Variants in KCNK13 observed in about 807,000 individuals in gnomAD.
KCNK13 encodes potassium channel subfamily K member 13.
A neutral mutation model predicts 23.4 loss-of-function variants in KCNK13; 12 were observed. The observed-to-expected ratio is 0.51, with a 90% confidence interval of 0.33 to 0.83. The LOEUF (loss-of-function observed/expected upper bound fraction) is 0.83. Among genes scored for constraint, KCNK13 ranks in the 40% least tolerant of loss-of-function variants. The probability of loss-of-function intolerance (pLI) is 0.02; values close to 1 mark genes in which losing one functional copy is unlikely to be tolerated. For missense variants in KCNK13, 463 were observed against 556.3 expected (o/e 0.83, Z 1.69); for synonymous variants, 231 against 229.5 (o/e 1.01, Z -0.06).
intron 1 of KCNK13, chr14:90,107,557 T>C (rs975382619): frequency 2.2e-6 from 1 of 445,054 alleles, no homozygotes; most frequent in Non-Finnish European, 4.1e-6. Flanking sequence ...CAGTAAACAT[T>C]ACGATTGTGC....
intron 1 of KCNK13, among the ~76,000 whole-genome samples, chr14:90,176,132 C>A (rs1890419906): frequency 6.6e-6 from 1 of 152,140 alleles, no homozygotes; most frequent in South Asian, 2.1e-4. Context: ...TGTTTGAAAT[C>A]ATCTTTGGAA....
At position 90,174,206 on chromosome 14, in the gene KCNK13, A is replaced by C. The variant is rs184772571; in HGVS notation, c.335-9905A>C. Among the ~76,000 whole-genome samples, 373 of 152,284 alleles carry C rather than the reference A, an allele frequency of 2.4e-3. 4 individuals are homozygous for C. Among genetic ancestry groups the C allele is most frequent in the African/African-American group, 8.4e-3 (351 of 41,570 alleles). Reference sequence around the variant, plus strand: ...GCACCTGTAGTCCCAGCTACTCATGAGGCTGAGGCAGGAGAATGGCGTGAA... The same window carrying C: ...GCACCTGTAGTCCCAGCTACTCATGCGGCTGAGGCAGGAGAATGGCGTGAA... On this transcript the variant is annotated intron_variant, in intron 1 of 1. Coordinates refer to ENST00000282146, the MANE Select transcript of KCNK13 (RefSeq NM_022054.4).
chr14:90,067,810 G>T (rs1170787379), intron 1 of KCNK13, among the ~76,000 whole-genome samples: 1 of 152,112 alleles, frequency 6.6e-6, no homozygotes. Context: ...TTTGTTAGGA[G>T]CTTGTCCCCG....
intron 1 of KCNK13, among the ~76,000 whole-genome samples, chr14:90,090,506 G>T (rs1213646219): frequency 6.6e-6 from 1 of 152,224 alleles, no homozygotes; most frequent in African/African-American, 2.4e-5. Flanking sequence ...TGTCTCCAAT[G>T]AGATGTTGGA....
chr14:90,064,352 A>G (rs1446209834), intron 1 of KCNK13, among the ~76,000 whole-genome samples: 1 of 152,126 alleles, frequency 6.6e-6, no homozygotes, highest in African/African-American at 2.4e-5. Flanking sequence ...GTGGGCACAG[A>G]GGCAGGAAGG....
chr14:90,117,047 A>G (rs1283333859), intron 1 of KCNK13, among the ~76,000 whole-genome samples: 1 of 152,194 alleles, frequency 6.6e-6, no homozygotes, highest in African/African-American at 2.4e-5. Flanking sequence ...AACAATAACT[A>G]AGAATAAAAT....
intron 1 of KCNK13, among the ~76,000 whole-genome samples, chr14:90,066,138 ATT>A (rs35664886): frequency 2.6e-3 from 353 of 135,806 alleles, no homozygotes; most frequent in Middle Eastern, 3.9e-3. Flanking sequence ...TAATTTTTGT[ATT>A]TTTTTTTTTT....
At chr14:90,117,197 G>C (rs1198508415) in intron 1 of KCNK13, among the ~76,000 whole-genome samples, 1 of 152,204 alleles carries the variant, frequency 6.6e-6, no homozygotes, top group Non-Finnish European at 1.5e-5. Context: ...AGGGGCAGCA[G>C]TGTATACAGC....
chr14:90,176,267 C>T (rs910418632), intron 1 of KCNK13, among the ~76,000 whole-genome samples: 1 of 152,158 alleles, frequency 6.6e-6, no homozygotes, highest in African/African-American at 2.4e-5. Flanking sequence ...AGTTTCCCCA[C>T]CGATAACTTG....
intron 1 of KCNK13, among the ~76,000 whole-genome samples, chr14:90,076,190 T>C (rs1889132351): frequency 6.6e-6 from 1 of 152,234 alleles, no homozygotes; most frequent in Non-Finnish European, 1.5e-5. Context: ...GCAGGTTGCA[T>C]TGGGCTGCAT....
At chr14:90,087,787 G>A (rs1451598322) in intron 1 of KCNK13, among the ~76,000 whole-genome samples, 2 of 152,070 alleles carry the variant, frequency 1.3e-5, no homozygotes, top group African/African-American at 4.8e-5. Flanking sequence ...AGTACCCTTT[G>A]TACAGTGTAG....
chr14:90,148,920 T>C (rs1890103857), intron 1 of KCNK13, among the ~76,000 whole-genome samples: 1 of 152,190 alleles, frequency 6.6e-6, no homozygotes, highest in Admixed American at 6.5e-5. Flanking sequence ...AAATACACTG[T>C]AAAAGTGCTA....
At chr14:90,135,630 C>T (rs1235491077) in intron 1 of KCNK13, among the ~76,000 whole-genome samples, 1 of 152,078 alleles carries the variant, frequency 6.6e-6, no homozygotes, top group Non-Finnish European at 1.5e-5. Flanking sequence ...GGATGTGGCT[C>T]CCACATCAGG....
At chr14:90,114,747 G>A (rs1015847354) in intron 1 of KCNK13, among the ~76,000 whole-genome samples, 45 of 152,202 alleles carry the variant, frequency 3.0e-4, no homozygotes, top group African/African-American at 1.0e-3. Context: ...TTCTCCGGGT[G>A]TTCCTGTGCA....
intron 1 of KCNK13, among the ~76,000 whole-genome samples, chr14:90,152,873 T>C (rs55711216): frequency 0.065 from 9,851 of 152,232 alleles, 405 homozygotes; most frequent in South Asian, 0.21. Flanking sequence ...GGTTTCATTC[T>C]ATGGGTTTCT....
chr14:90,137,591 G>A (rs908179020), intron 1 of KCNK13, among the ~76,000 whole-genome samples: 19 of 152,284 alleles, frequency 1.2e-4, no homozygotes, highest in African/African-American at 4.6e-4. Flanking sequence ...AAAGTGCTAG[G>A]ATTATAGGTG....
intron 1 of KCNK13, chr14:90,107,963 A>C (rs1317554718): frequency 1.1e-5 from 8 of 730,468 alleles, no homozygotes; most frequent in Non-Finnish European, 1.5e-5. Flanking sequence ...GGAACTGCTG[A>C]CGCGGCTAAA....
chr14:90,140,024 C>A (rs1177960637), intron 1 of KCNK13, among the ~76,000 whole-genome samples: 1 of 152,122 alleles, frequency 6.6e-6, no homozygotes, highest in Non-Finnish European at 1.5e-5. Flanking sequence ...GCAGTGAGGT[C>A]TTCGACTGTG....
chr14:90,082,855 C>G (rs1318447786), intron 1 of KCNK13, among the ~76,000 whole-genome samples: 2 of 152,170 alleles, frequency 1.3e-5, no homozygotes, highest in Non-Finnish European at 2.9e-5. Context: ...TATTCTTTAT[C>G]TTTGGACAAA....
Sources: gnomAD v4.1 joint callset for allele counts (sites outside exome capture counted in the v4.1 genomes callset) on GRCh38, gnomAD v4.1.1 for gene constraint, MANE v1.5 for transcripts, NCBI Gene and HGNC (gene_info 2026-07-23, HGNC 2026-07-21) for gene names.